TET3: variants seen among roughly 807,000 people sequenced by gnomAD.
TET3 encodes tet methylcytosine dioxygenase 3.
Under a neutral mutation model 141.4 loss-of-function variants are expected in TET3, and 19 were observed. The ratio of observed to expected loss-of-function variants is 0.13; its 90% CI spans 0.09 to 0.20. The LOEUF is 0.20. TET3 is among the 10% of genes least tolerant of loss of function. The probability of loss-of-function intolerance (pLI) is 1.00; values close to 1 mark genes in which losing one functional copy is unlikely to be tolerated. For synonymous variants in TET3, 1,043 were observed against 980.9 expected, an observed-to-expected ratio of 1.06 and a Z score of -1.18; for missense variants, 1,874 against 2,356.9, an observed-to-expected ratio of 0.80 and a Z score of 4.24.
chr2:74,013,969 A>G (rs1685600712), intron 3 of TET3, among the ~76,000 whole-genome samples: 1 of 152,138 alleles, frequency 6.6e-6, no homozygotes, highest in African/African-American at 2.4e-5. Flanking sequence ...TAATATGTCT[A>G]CAGCTACTGC....
chr2:74,061,182 C>A (rs1290531083), intron 4 of TET3, among the ~76,000 whole-genome samples: 2 of 146,386 alleles, frequency 1.4e-5, no homozygotes, highest in Non-Finnish European at 3.0e-5. Flanking sequence ...GGGCGGCCGG[C>A]CGGGCGGGGG....
At chr2:74,039,841 G>A (rs549285838) in intron 3 of TET3, among the ~76,000 whole-genome samples, 1 of 152,258 alleles carries the variant, frequency 6.6e-6, no homozygotes, top group African/African-American at 2.4e-5. Flanking sequence ...CTCACAGCAT[G>A]GTGACTGGGC....
chr2:74,060,858 C>T (rs978553113), intron 4 of TET3, among the ~76,000 whole-genome samples: 1 of 152,242 alleles, frequency 6.6e-6, no homozygotes, highest in Non-Finnish European at 1.5e-5. Flanking sequence ...CACAGATCAA[C>T]AGGATAAGTA....
chr2:73,987,784 C>T (rs1684116468), intron 2 of TET3, among the ~76,000 whole-genome samples: 1 of 152,202 alleles, frequency 6.6e-6, no homozygotes, highest in Non-Finnish European at 1.5e-5. Flanking sequence ...CTTTCAAAGC[C>T]TCTTCCAGCT....
At chr2:74,051,955 G>A (rs561739360) in intron 4 of TET3, among the ~76,000 whole-genome samples, 1 of 152,324 alleles carries the variant, frequency 6.6e-6, no homozygotes, top group East Asian at 1.9e-4. Flanking sequence ...AGGGCCTGAG[G>A]TTCATGTTAG....
At chr2:74,108,934 C>G (rs1437106413), downstream of TET3, among the ~76,000 whole-genome samples, 1 of 152,144 alleles carries the variant, frequency 6.6e-6, no homozygotes, top group Non-Finnish European at 1.5e-5. Context: ...ATAATGAGTG[C>G]CAGGTGATCG....
In TET3 at chr2:74,101,138, C is replaced by T. The variant is rs376830608; in HGVS notation, c.4350C>T (p.Asn1450=). The T allele has an allele frequency of 5.1e-5, 83 of 1,613,812 alleles. No individual in the cohort carries two copies. The Middle Eastern group carries it at 8.2e-4, about 16-fold the overall frequency. ...CAAGCATGTCCCCCAAGAGGACTAA[C>T]GGTGTGGGTGGCAGCTGGGGTGTGT... ...GGPSMSPKRT[N]GVGGSWGVFS... Residue 1450 remains asparagine, a synonymous_variant, in exon 12 of 12, where the codon AAC becomes AAT. Coordinates refer to ENST00000409262, the MANE Select transcript of TET3 (RefSeq NM_001287491.2). The surrounding 1 kb of genome is among the most constrained non-coding windows in gnomAD (Gnocchi z 8.5).
intron 3 of TET3, among the ~76,000 whole-genome samples, chr2:74,009,287 G>A (rs558287119): frequency 6.8e-6 from 1 of 147,102 alleles, no homozygotes; most frequent in Non-Finnish European, 1.5e-5. Context: ...CCTGTAGGAG[G>A]CAGAGAGAGG....
chr2:74,126,872 C>T, the TET3 span, among the ~76,000 whole-genome samples: 2 of 152,154 alleles, frequency 1.3e-5, no homozygotes, highest in East Asian at 3.9e-4. Flanking sequence ...TTAATTTTAG[C>T]CAGAATAAAA....
At chr2:74,118,382 G>C in the TET3 span, among the ~76,000 whole-genome samples, 120 of 152,290 alleles carry the variant, frequency 7.9e-4, 2 homozygotes, top group South Asian at 6.2e-3. Flanking sequence ...ATTTCAGACA[G>C]ACGATTCATC....
At position 74,101,176 on chromosome 2, in the gene TET3, A is replaced by G. The variant is rs1399063159; in HGVS notation, c.4388A>G (p.Glu1463Gly). Residue 1463 changes from glutamate to glycine, a missense_variant, in exon 12 of 12, where the codon GAG (glutamate) becomes GGG (glycine). Glu to Gly is a moderately conservative substitution (Grantham distance 98). Coordinates refer to ENST00000409262, the MANE Select transcript of TET3 (RefSeq NM_001287491.2). This position sits in a 1 kb window ranked among gnomAD's most constrained non-coding sequence, Gnocchi z 8.5. ...AGCTGGGGTGTGTTCTCGTCTGGGG[A>G]GAGTCCTGCCATCGTCCCTGACAAG... ...GGSWGVFSSG[E>G]SPAIVPDKLS... 1 of 1,613,612 alleles carries G rather than the reference A, an allele frequency of 6.2e-7. No individual in the cohort carries two copies. Among genetic ancestry groups the G allele is most frequent in the Admixed American group, 1.7e-5 (1 of 59,986 alleles).
At chr2:74,056,416 T>C (rs1275432466) in intron 4 of TET3, among the ~76,000 whole-genome samples, 1 of 152,236 alleles carries the variant, frequency 6.6e-6, no homozygotes, top group Non-Finnish European at 1.5e-5. Flanking sequence ...TTAATGAGTA[T>C]AGAATTAAGT....
At chr2:74,033,580 C>T (rs527437288) in intron 3 of TET3, among the ~76,000 whole-genome samples, 4 of 152,286 alleles carry the variant, frequency 2.6e-5, no homozygotes, top group Non-Finnish European at 5.9e-5. Flanking sequence ...AGGTCCAGCT[C>T]TAAACCACTG....
rs887341138 is a variant in TET3, at chr2:74,092,319, G to A, written c.3040-583G>A. ...CTGTCTCAAAGAAAAAAAAAAATTA[G>A]AATTCATCTGTATTTCTGTAGCTTC... On this transcript the variant is annotated intron_variant, in intron 8 of 11. Coordinates refer to ENST00000409262, the MANE Select transcript of TET3 (RefSeq NM_001287491.2). 2.3e-4 allele frequency among the ~76,000 whole-genome samples: 35 copies of A among 152,112 alleles called. 1 individual carries two copies. The highest frequency in any genetic ancestry group is 4.6e-4 in the Admixed American group (7 of 15,286).
intron 3 of TET3, among the ~76,000 whole-genome samples, chr2:74,021,448 C>CA (rs1258553084): frequency 1.3e-5 from 2 of 152,224 alleles, no homozygotes; most frequent in African/African-American, 4.8e-5. Context: ...TTTCAGAGAG[C>CA]ATCAGCACTG....
rs1690229652 is a variant in TET3, at chr2:74,087,556, A to G, written c.2680-274A>G. Among the ~76,000 whole-genome samples the G allele has an allele frequency of 6.6e-6, 1 of 152,218 alleles. No individual in the cohort carries two copies. Among genetic ancestry groups the G allele is most frequent in the African/African-American group, 2.4e-5 (1 of 41,436 alleles). On this transcript the variant is annotated intron_variant, in intron 6 of 11. Coordinates refer to ENST00000409262, the MANE Select transcript of TET3 (RefSeq NM_001287491.2). This position sits in a 1 kb window ranked among gnomAD's most constrained non-coding sequence, Gnocchi z 4.3. The stretch of plus-strand genomic sequence containing the variant: ...TCCTAAGCCTATGTAAGTCATCAGC[A>G]ACTTAGATTTTGTGGTAATTATTTT...
At chr2:74,053,488 A>G (rs1219711402) in intron 4 of TET3, among the ~76,000 whole-genome samples, 1 of 152,232 alleles carries the variant, frequency 6.6e-6, no homozygotes, top group African/African-American at 2.4e-5. Context: ...CGTTGTCCTG[A>G]TGTCTCTGGG....
chr2:74,000,831 A>C (rs1684811837), intron 2 of TET3, among the ~76,000 whole-genome samples: 1 of 152,140 alleles, frequency 6.6e-6, no homozygotes, highest in Non-Finnish European at 1.5e-5. Context: ...AGTAAGTCAA[A>C]TGAGATGATC....
chr2:74,025,020 A>C (rs919162472), intron 3 of TET3, among the ~76,000 whole-genome samples: 3 of 151,730 alleles, frequency 2.0e-5, no homozygotes, highest in African/African-American at 2.4e-5. Context: ...TCAGGAGATC[A>C]AGACCATCCT....
Sources: gnomAD v4.1 joint callset for allele counts (sites outside exome capture counted in the v4.1 genomes callset) on GRCh38, gnomAD v4.1.1 for gene constraint, Gnocchi (gnomAD v3.1) non-coding constraint, MANE v1.5 for transcripts, NCBI Gene and HGNC (gene_info 2026-07-23, HGNC 2026-07-21) for gene names.